The following DLGAP1 variants were observed in gnomAD, a reference collection of about 807,000 sequenced individuals.
DLGAP1 encodes disks large-associated protein 1.
Under a neutral mutation model 90.8 loss-of-function variants are expected in DLGAP1, and 11 were observed. The ratio of observed to expected loss-of-function variants is 0.12; its 90% CI spans 0.08 to 0.20. The LOEUF (loss-of-function observed/expected upper bound fraction) is 0.20, where lower values mean the gene tolerates loss of function less well. Ranked by LOEUF, DLGAP1 falls within the 10% of genes least tolerant of loss-of-function variation. DLGAP1 has a pLI of 1.00. For synonymous variants in DLGAP1, 558 were observed against 540.7 expected, an observed-to-expected ratio of 1.03 and a Z score of -0.44; for missense variants, 1,050 against 1,333.8, an observed-to-expected ratio of 0.79 and a Z score of 3.31.
At chr18:4,207,613 G>C (rs2077749091) in intron 1 of DLGAP1, among the ~76,000 whole-genome samples, 2 of 152,304 alleles carry the variant, frequency 1.3e-5, no homozygotes, top group South Asian at 4.1e-4. Flanking sequence ...TAGCTTCACA[G>C]GTATCTTGAC....
chr18:3,991,588 C>T (rs1416371667), intron 3 of DLGAP1, among the ~76,000 whole-genome samples: 1 of 152,174 alleles, frequency 6.6e-6, no homozygotes, highest in Non-Finnish European at 1.5e-5. Context: ...CCCAAGCAGC[C>T]TGAAGAATCA....
chr18:3,930,660 C>T (rs1271953139), intron 3 of DLGAP1, among the ~76,000 whole-genome samples: 2 of 152,080 alleles, frequency 1.3e-5, no homozygotes, highest in African/African-American at 4.8e-5. Context: ...TTGCTCTGTG[C>T]CTGCTCTTCT....
chr18:3,939,855 C>T (rs533149072), intron 3 of DLGAP1, among the ~76,000 whole-genome samples: 5 of 152,172 alleles, frequency 3.3e-5, no homozygotes, highest in Admixed American at 6.5e-5. Context: ...CCATTAATGA[C>T]CAATTTCTCT....
intron 1 of DLGAP1, among the ~76,000 whole-genome samples, chr18:4,435,670 C>T (rs1167386816): frequency 1.3e-5 from 2 of 152,146 alleles, no homozygotes; most frequent in Non-Finnish European, 2.9e-5. Context: ...AATGCAATTG[C>T]TCCAGATGTT....
intron 1 of DLGAP1, among the ~76,000 whole-genome samples, chr18:4,325,464 C>T (rs1221817746): frequency 6.6e-6 from 1 of 152,090 alleles, no homozygotes; most frequent in African/African-American, 2.4e-5. Context: ...AATGCTATTC[C>T]TATCAAACTA....
chr18:3,932,461 C>T (rs2072540297), intron 3 of DLGAP1, among the ~76,000 whole-genome samples: 1 of 152,198 alleles, frequency 6.6e-6, no homozygotes, highest in Non-Finnish European at 1.5e-5. Context: ...ATTTCAGCCT[C>T]TAAGATGGAA....
chr18:3,632,008 C>G (rs2058542862), intron 7 of DLGAP1, among the ~76,000 whole-genome samples: 1 of 152,130 alleles, frequency 6.6e-6, no homozygotes, highest in African/African-American at 2.4e-5. Flanking sequence ...ACTCCTGGCT[C>G]AAGTGATCCT....
In DLGAP1 at chr18:3,775,980, G is replaced by A. The variant is rs745762097; in HGVS notation, c.1173-33468C>T. Among the ~76,000 whole-genome samples the A allele has an allele frequency of 3.3e-5, 5 of 150,788 alleles. No individual in the cohort carries two copies. Among genetic ancestry groups the A allele is most frequent in the South Asian group, 4.2e-4 (2 of 4,780 alleles). ...AACTCACGTCCTTGGAATTCAGAAC[G>A]AATGCCCATGTCACTGTACATTCTG... On this transcript the variant is annotated intron_variant, in intron 5 of 12. Transcript: ENST00000315677. The surrounding 1 kb of genome is among the most constrained non-coding windows in gnomAD (Gnocchi z 4.9).
At chr18:3,832,350 T>A (rs1316867835) in intron 4 of DLGAP1, among the ~76,000 whole-genome samples, 1 of 152,242 alleles carries the variant, frequency 6.6e-6, no homozygotes, top group Non-Finnish European at 1.5e-5. Flanking sequence ...TTTCTTTCTT[T>A]ACCTTTTTGG....
intron 2 of DLGAP1, among the ~76,000 whole-genome samples, chr18:4,045,396 TC>T (rs1355982434): frequency 8.8e-6 from 1 of 113,006 alleles, no homozygotes. Context: ...GAAATAGAGA[TC>T]ACAGCCTGTG....
chr18:4,183,357 AAG>A (rs1315346359), intron 1 of DLGAP1, among the ~76,000 whole-genome samples: 1 of 152,156 alleles, frequency 6.6e-6, no homozygotes, highest in Non-Finnish European at 1.5e-5. Flanking sequence ...ATTTAGAAAG[AAG>A]AGAGATATAC....
chr18:3,808,057 T>A (rs1413455077), intron 5 of DLGAP1, among the ~76,000 whole-genome samples: 2 of 152,238 alleles, frequency 1.3e-5, no homozygotes, highest in African/African-American at 4.8e-5. Context: ...AACATTTTTT[T>A]AAAAACTAGG....
intron 1 of DLGAP1, among the ~76,000 whole-genome samples, chr18:4,152,487 C>T (rs914121233): frequency 4.6e-5 from 7 of 152,162 alleles, no homozygotes; most frequent in African/African-American, 1.7e-4. Context: ...GTCCCAGATG[C>T]TCTGTCTGGA....
chr18:4,243,476 C>G (rs2078588197), intron 1 of DLGAP1, among the ~76,000 whole-genome samples: 1 of 152,166 alleles, frequency 6.6e-6, no homozygotes, highest in African/African-American at 2.4e-5. Context: ...GAAGAGAACT[C>G]ATCCCCTTGG....
Position 4,067,099 on chromosome 18 carries a change from C to G in DLGAP1, c.-158-61898G>C, listed in dbSNP as rs997155169. Among the ~76,000 whole-genome samples, 5 of 152,106 alleles carry G rather than the reference C, an allele frequency of 3.3e-5. No homozygotes were observed. The South Asian group carries it at 1.0e-3, about 32-fold the overall frequency. ...AAGAGAAAACCAAATACCACATGCT[C>G]TCACTTATAAGTGGGAGCTAAATGA... On this transcript the variant is annotated intron_variant, in intron 2 of 12. Coordinates refer to ENST00000315677, the MANE Select transcript of DLGAP1 (RefSeq NM_004746.4).
At chr18:4,169,261 C>T (rs1399582125) in intron 1 of DLGAP1, among the ~76,000 whole-genome samples, 1 of 152,140 alleles carries the variant, frequency 6.6e-6, no homozygotes, top group Middle Eastern at 3.2e-3. Flanking sequence ...AGTGGTATCT[C>T]ACTATACCAC....
chr18:4,375,248 G>A lies in DLGAP1; in HGVS notation c.-267+79758C>T, dbSNP rs946334487. 6.6e-5 allele frequency among the ~76,000 whole-genome samples: 10 copies of A among 152,254 alleles called. 1 individual carries two copies. Among genetic ancestry groups the A allele is most frequent in the East Asian group, 3.9e-4 (2 of 5,190 alleles). On this transcript the variant is annotated intron_variant, in intron 1 of 12. Transcript: ENST00000315677. Reference sequence around the variant, plus strand: ...AGTGAAATATTAATAAATGCATGCTGATGAGGAACGAAGCTACAGAATGAC... The same window carrying A: ...AGTGAAATATTAATAAATGCATGCTAATGAGGAACGAAGCTACAGAATGAC...
At chr18:3,840,818 G>A (rs1411658346) in intron 4 of DLGAP1, among the ~76,000 whole-genome samples, 2 of 152,122 alleles carry the variant, frequency 1.3e-5, no homozygotes, top group Non-Finnish European at 2.9e-5. Flanking sequence ...CATATAGACA[G>A]AGAAGTGGTA....
At chr18:3,713,621 T>C (rs1180741156) in intron 7 of DLGAP1, among the ~76,000 whole-genome samples, 1 of 152,246 alleles carries the variant, frequency 6.6e-6, no homozygotes, top group Non-Finnish European at 1.5e-5. Context: ...TGATGAATTA[T>C]GCCTTTGCTT....
Sources: allele counts gnomAD v4.1 joint callset (sites outside exome capture counted in the v4.1 genomes callset), GRCh38; gene constraint gnomAD v4.1.1; non-coding constraint Gnocchi (gnomAD v3.1); transcripts MANE v1.5; gene names NCBI Gene and HGNC (gene_info 2026-07-23, HGNC 2026-07-21).